SCRIB: variants seen among roughly 807,000 people sequenced by gnomAD.
SCRIB encodes the protein protein scribble homolog.
A neutral mutation model predicts 170.0 loss-of-function variants in SCRIB; 72 were observed. The ratio of observed to expected loss-of-function variants is 0.42; its 90% CI spans 0.35 to 0.52. The LOEUF (loss-of-function observed/expected upper bound fraction) is 0.52. SCRIB is among the 20% of genes least tolerant of loss of function. The pLI is 0.02. For missense variants in SCRIB, 2,475 were observed against 2,338.5 expected, an observed-to-expected ratio of 1.06 and a Z score of -1.20; for synonymous variants, 1,298 against 1,044.3, an observed-to-expected ratio of 1.24 and a Z score of -4.68.
chr8:143,804,241 C>T, intron 21 of SCRIB, 85 bp from the exon 22 acceptor site: 2 of 1,046,504 alleles, frequency 1.9e-6, no homozygotes, highest in Non-Finnish European at 2.8e-6. Flanking sequence ...CGTCCCGGTC[C>T]TTGGGGATGG....
chr8:143,811,861 A>G (rs1021890354), intron 9 of SCRIB, among the ~76,000 whole-genome samples: 1 of 152,104 alleles, frequency 6.6e-6, no homozygotes, highest in African/African-American at 2.4e-5. Context: ...TGGGGATAGC[A>G]ACACCACCGT....
At chr8:143,800,826 C>T (rs1037405398) in intron 24 of SCRIB, among the ~76,000 whole-genome samples, 4 of 152,380 alleles carry the variant, frequency 2.6e-5, no homozygotes, top group Middle Eastern at 6.8e-3. Context: ...CGGCGTGCAG[C>T]GACTGTGCCG....
rs1554633402 is a variant in SCRIB at position 143,793,177 on chromosome 8, C to T, written c.3910-94G>A. 6 of 689,258 alleles carry T rather than the reference C, an allele frequency of 8.7e-6. No homozygotes were observed. In the African/African-American group the frequency reaches 9.4e-5, roughly 11 times the overall value. 42.7% of individuals were successfully genotyped at this position (689,258 alleles called of 1,614,324 possible). ...ACCGGCTGTCCCCCCGCCTGTCCCC[C>T]CGCCTGCCTTTGATCCCCACCCACC... On this transcript the variant is annotated intron_variant, in intron 28 of 36. Transcript: ENST00000356994.
At chr8:143,803,297 G>C in intron 24 of SCRIB, 86 bp downstream of exon 24, 1 of 1,317,562 alleles carries the variant, frequency 7.6e-7, no homozygotes, top group Non-Finnish European at 1.0e-6. Flanking sequence ...CAGGGGACCC[G>C]TCGCCTGCCC....
intron 15 of SCRIB, among the ~76,000 whole-genome samples, chr8:143,808,316 G>T (rs1026202282): frequency 6.6e-6 from 1 of 152,128 alleles, no homozygotes; most frequent in Admixed American, 6.5e-5. Flanking sequence ...GGCAGGCCTG[G>T]GGTCCAAGCA....
chr8:143,806,688 C>T (rs1815440335), intron 17 of SCRIB, among the ~76,000 whole-genome samples: 1 of 152,192 alleles, frequency 6.6e-6, no homozygotes, highest in African/African-American at 2.4e-5. Context: ...GCTCGTGGCC[C>T]CAGGCCTGGT....
At chr8:143,793,383 G>T in intron 28 of SCRIB, 1 of 317,894 alleles carries the variant, frequency 3.1e-6, no homozygotes, top group Non-Finnish European at 5.8e-6. Flanking sequence ...AGGAGAGCAG[G>T]ATCAGGGGTT....
Position 143,815,285 on chromosome 8 carries a change from C to G in SCRIB, c.88G>C (p.Glu30Gln), listed in dbSNP as rs772262523. The change falls in exon 1 of 37, where the codon GAG becomes CAG. Residue 30 changes from glutamate to glutamine, a missense_variant. Physicochemically the swap from Glu to Gln is conservative, Grantham distance 29. Around this residue, in one of 3 missense-constraint regions of SCRIB, gnomAD observed 487 missense variants for 558.1 expected, o/e 0.87. Coordinates refer to ENST00000356994, the MANE Select transcript of SCRIB (RefSeq NM_182706.5). Reference sequence around the variant, plus strand: ...AGGCTGCGGCTGTAGCGGTAGATCTCCTCCGGCACGGCCTGCAGCGAACAG... The same window carrying G: ...AGGCTGCGGCTGTAGCGGTAGATCTGCTCCGGCACGGCCTGCAGCGAACAG... ...RHCSLQAVPE[E>Q]IYRYSRSLEE... The G allele has an allele frequency of 4.4e-6, 7 of 1,597,242 alleles. No individual in the cohort carries two copies. Among genetic ancestry groups the G allele is most frequent in the Non-Finnish European group, 6.0e-6 (7 of 1,174,744 alleles).
In SCRIB at chr8:143,805,374, G is replaced by A; in HGVS notation, c.2408C>T (p.Ala803Val). 1.9e-6 allele frequency: 3 copies of A among 1,546,684 alleles called. No homozygotes were observed. The highest frequency in any genetic ancestry group is 2.6e-6 in the Non-Finnish European group (3 of 1,152,260). ...CACTCGCATCTGCACGGCAGTGCCG[G>A]CCCCCCGGAGCGCCTCCACGGCCTC... ...HHEAVEALRG[A>V]GTAVQMRVWR... The change falls in exon 19 of 37, where the codon GCC (alanine) becomes GTC (valine). Residue 803 changes from alanine to valine, a missense_variant. Transcript: ENST00000356994.
In SCRIB at chr8:143,812,095, G is replaced by A. The variant is rs554203977; in HGVS notation, c.906+171C>T. ...GCCCCTGCCCTGGCCTCACTGCCCC[G>A]CCTCACCTCCGGCCAGCATGCTCCC... On this transcript the variant is annotated intron_variant, in intron 9 of 36. Coordinates refer to ENST00000356994, the MANE Select transcript of SCRIB (RefSeq NM_182706.5). Among the ~76,000 whole-genome samples, 4 of 152,214 alleles carry A rather than the reference G, an allele frequency of 2.6e-5. No individual in the cohort carries two copies. The East Asian group carries it at 5.8e-4, about 22-fold the overall frequency.
Position 143,792,038 on chromosome 8 carries a change from G to A in SCRIB, c.4610C>T (p.Ala1537Val), listed in dbSNP as rs782236346. Residue 1537 changes from alanine to valine, a missense_variant, in exon 33 of 37, where the codon GCC becomes GTC. Transcript: ENST00000356994. ...RGTRGPLERLAEAPSPAPTPS... is the reference protein window; with the variant it reads ...RGTRGPLERLVEAPSPAPTPS... ...GGTGGGCGCAGGGGAAGGGGCCTCG[G>A]CCAGTCGCTCCAGGGGCCCCCGCGT... is the stretch of plus-strand genomic sequence containing the variant. 1.2e-5 allele frequency: 19 copies of A among 1,575,222 alleles called. No homozygotes were observed. Among genetic ancestry groups the A allele is most frequent in the East Asian group, 4.6e-5 (2 of 43,062 alleles).
At chr8:143,806,553 G>A (rs965478444) in intron 17 of SCRIB, 69 bp from the exon 18 acceptor site, 1 of 1,325,760 alleles carries the variant, frequency 7.5e-7, no homozygotes. Context: ...TTCTGCAGAA[G>A]ACCCAGGAGG....
chr8:143,810,475 C>T lies in SCRIB; in HGVS notation c.1530+4G>A, dbSNP rs1405967576. On this transcript the variant is annotated splice_donor_region_variant and intron_variant, in intron 13 of 36. Coordinates refer to ENST00000356994, the MANE Select transcript of SCRIB (RefSeq NM_182706.5). Reference sequence around the variant, plus strand: ...CCGCCAGGTTGCCGTGGCTCCATGCCCACCTCCTCTGCAGGCAAGGGCGAC... The same window carrying T: ...CCGCCAGGTTGCCGTGGCTCCATGCTCACCTCCTCTGCAGGCAAGGGCGAC... The T allele has an allele frequency of 1.2e-6, 2 of 1,606,388 alleles. No homozygotes were observed. The highest frequency in any genetic ancestry group is 1.1e-5 in the South Asian group (1 of 91,012).
At chr8:143,814,189 G>C (rs1037680999) in intron 1 of SCRIB, 71 bp from the exon 2 acceptor site, 1 of 1,294,810 alleles carries the variant, frequency 7.7e-7, no homozygotes, top group East Asian at 2.5e-5. Flanking sequence ...CTGGACACGT[G>C]AGTGTCACAA....
In SCRIB at chr8:143,811,298, G is replaced by A. The variant is rs145794409; in HGVS notation, c.954C>T (p.Asn318=). The change falls in exon 10 of 37, where the codon AAC becomes AAT. Residue 318 remains asparagine, a synonymous_variant. Coordinates refer to ENST00000356994, the MANE Select transcript of SCRIB (RefSeq NM_182706.5). ...GCGCCTCGAGGTGGTTCCGGTCCACGTTGAGGTTGGTCAGCTTAGTCAGCT... is the reference window on the plus strand; with the variant it reads ...GCGCCTCGAGGTGGTTCCGGTCCACATTGAGGTTGGTCAGCTTAGTCAGCT... ...LGKLTKLTNL[N]VDRNHLEALP... 42 of 1,612,830 alleles carry A rather than the reference G, an allele frequency of 2.6e-5. No homozygotes were observed. Among genetic ancestry groups the A allele is most frequent in the East Asian group, 1.8e-4 (8 of 44,858 alleles).
At chr8:143,801,967 G>A (rs1247879878) in intron 24 of SCRIB, among the ~76,000 whole-genome samples, 1 of 152,244 alleles carries the variant, frequency 6.6e-6, no homozygotes, top group Non-Finnish European at 1.5e-5. Flanking sequence ...CACGCCGGCT[G>A]CAGACATGGC....
Position 143,815,455 on chromosome 8 carries a change from C to G in SCRIB, c.-83G>C. On this transcript the variant is annotated 5_prime_UTR_variant, in exon 1 of 37. Coordinates refer to ENST00000356994, the MANE Select transcript of SCRIB (RefSeq NM_182706.5). Reference sequence around the variant, plus strand: ...GGCGGGGCTCAGTCCGCATGGGCGCCGCGCATGGGGAGGGGGCGCAGGCAG... The same window carrying G: ...GGCGGGGCTCAGTCCGCATGGGCGCGGCGCATGGGGAGGGGGCGCAGGCAG... The G allele has an allele frequency of 9.0e-7, 1 of 1,115,544 alleles. No homozygotes were observed. Among genetic ancestry groups the G allele is most frequent in the Non-Finnish European group, 1.1e-6 (1 of 913,506 alleles). 69.1% of individuals were successfully genotyped at this position (1,115,544 alleles called of 1,614,324 possible).
chr8:143,808,036 T>C (rs1554637026), intron 15 of SCRIB, among the ~76,000 whole-genome samples: 1 of 152,194 alleles, frequency 6.6e-6, no homozygotes, highest in African/African-American at 2.4e-5. Context: ...CCCGAAGGCC[T>C]GTGTGGCACC....
chr8:143,791,545 G>C (rs1009910296), intron 35 of SCRIB, 105 bp from the exon 36 acceptor site: 33 of 1,573,064 alleles, frequency 2.1e-5, no homozygotes, highest in Non-Finnish European at 2.8e-5. Context: ...CCGGCTGAAG[G>C]GGGAGGGGGG....
Sources: gnomAD v4.1 joint callset for allele counts (sites outside exome capture counted in the v4.1 genomes callset) on GRCh38, gnomAD v4.1.1 for gene constraint, gnomAD v4.1.1 regional missense constraint, MANE v1.5 for transcripts, NCBI Gene and HGNC (gene_info 2026-07-23, HGNC 2026-07-21) for gene names.